The following SOS1 variants were observed in gnomAD, a reference collection of about 807,000 sequenced individuals.
SOS1 encodes the protein SOS Ras/Rac guanine nucleotide exchange factor 1, also known as son of sevenless homolog 1.
A neutral mutation model predicts 157.6 loss-of-function variants in SOS1; 25 were observed. The observed-to-expected ratio is 0.16, with a 90% CI of 0.12 to 0.22. The LOEUF is 0.22. Ranked by LOEUF, SOS1 falls within the 10% of genes least tolerant of loss-of-function variation. The pLI is 1.00. For missense variants in SOS1, 1,237 were observed against 1,599.1 expected (o/e 0.77, Z 3.86); for synonymous variants, 528 against 534.0 (o/e 0.99, Z 0.16).
intron 13 of SOS1, among the ~76,000 whole-genome samples, chr2:39,012,618 G>C (rs1318960846): frequency 1.3e-5 from 2 of 151,992 alleles, no homozygotes; most frequent in African/African-American, 4.8e-5. Flanking sequence ...TACTTAATTT[G>C]TAGAGACTGT....
chr2:39,091,683 C>T (rs1254510759), intron 1 of SOS1, among the ~76,000 whole-genome samples: 2 of 152,136 alleles, frequency 1.3e-5, no homozygotes, highest in African/African-American at 4.8e-5. Context: ...AGGATCTCCA[C>T]AGTCACCTTT....
chr2:39,044,265 T>C (rs981548150), intron 6 of SOS1, among the ~76,000 whole-genome samples: 7 of 152,250 alleles, frequency 4.6e-5, no homozygotes, highest in South Asian at 2.1e-4. Context: ...GGCATGAGAA[T>C]TGCTTGAACC....
chr2:39,116,534 A>G (rs1673656576), intron 1 of SOS1, among the ~76,000 whole-genome samples: 1 of 152,190 alleles, frequency 6.6e-6, no homozygotes, highest in African/African-American at 2.4e-5. Flanking sequence ...TTCTATGGCC[A>G]AAGTGAATTT....
intron 1 of SOS1, among the ~76,000 whole-genome samples, chr2:39,096,649 G>T (rs1335781520): frequency 6.6e-6 from 1 of 152,156 alleles, no homozygotes; most frequent in Non-Finnish European, 1.5e-5. Context: ...ACTTTGGGAG[G>T]CCAAGGCAGG....
rs1393750880 is a variant in SOS1 at position 38,984,099 on chromosome 2, T to C, written c.*1725A>G. 6.6e-6 allele frequency: 1 copy of C among 152,166 alleles called. No homozygotes were observed. Among genetic ancestry groups the C allele is most frequent in the Admixed American group, 6.5e-5 (1 of 15,270 alleles). The allele number at this position is 152,166 out of a possible 1,614,324, so 9.4% of individuals were successfully genotyped here. On this transcript the variant is annotated 3_prime_UTR_variant, in exon 23 of 23. Coordinates refer to ENST00000402219, the MANE Select transcript of SOS1 (RefSeq NM_005633.4). ...TAAATATCATAGGAAATTATTAAAG[T>C]ACTAGGTTCCCACCATGTTGCAGCA...
intron 8 of SOS1, among the ~76,000 whole-genome samples, chr2:39,033,153 C>G (rs2124558429): frequency 6.9e-6 from 1 of 145,114 alleles, no homozygotes; most frequent in East Asian, 2.1e-4. Context: ...TCACTGCAAC[C>G]TTCGCCTCCC....
intron 6 of SOS1, among the ~76,000 whole-genome samples, chr2:39,046,327 A>G (rs1316353862): frequency 6.6e-6 from 1 of 152,158 alleles, no homozygotes; most frequent in East Asian, 1.9e-4. Flanking sequence ...TATCACAAAT[A>G]CAAGTCCACT....
chr2:39,112,711 T>C (rs772832756), intron 1 of SOS1, among the ~76,000 whole-genome samples: 3 of 152,092 alleles, frequency 2.0e-5, no homozygotes, highest in Admixed American at 2.0e-4. Flanking sequence ...CTTCACTCTG[T>C]AAAAAAAATT....
chr2:38,992,556 G>C (rs1023386267), intron 20 of SOS1: 13 of 152,186 alleles, frequency 8.5e-5, no homozygotes, highest in Admixed American at 5.9e-4. Flanking sequence ...CTTCTTCGCT[G>C]CTTAGCTAGT....
intron 16 of SOS1, 71 bp downstream of exon 16, chr2:39,006,960 A>G (rs1669299939): frequency 1.0e-6 from 1 of 997,668 alleles, no homozygotes; most frequent in Non-Finnish European, 1.6e-6. Context: ...ATTAAAGATA[A>G]TAATTGTTAA....
chr2:39,030,327 G>A (rs1305018697), intron 8 of SOS1, among the ~76,000 whole-genome samples: 1 of 151,864 alleles, frequency 6.6e-6, no homozygotes, highest in Non-Finnish European at 1.5e-5. Context: ...ACTTTCGGAG[G>A]CCAATGTGGG....
chr2:39,086,022 G>A (rs1207254617), intron 1 of SOS1, among the ~76,000 whole-genome samples: 1 of 152,188 alleles, frequency 6.6e-6, no homozygotes, highest in Non-Finnish European at 1.5e-5. Flanking sequence ...TTACCAGAGT[G>A]TAACCCTGCA....
chr2:39,049,657 G>A (rs1183142054), intron 6 of SOS1, among the ~76,000 whole-genome samples: 1 of 152,084 alleles, frequency 6.6e-6, no homozygotes, highest in Non-Finnish European at 1.5e-5. Flanking sequence ...CTTAGTGGGA[G>A]ACTTAATGTT....
chr2:39,027,830 AT>A (rs375324523), intron 8 of SOS1, among the ~76,000 whole-genome samples: 7,040 of 142,612 alleles, frequency 0.049, 167 homozygotes, highest in Middle Eastern at 0.085. Context: ...TCATATTATT[AT>A]TTTTTTTTTT....
In SOS1 at chr2:38,987,453, A is replaced by T; in HGVS notation, c.3510+20T>A. ...ACTGTAATGATTCCAATTTCTACACAACAAGATTTCTTACTTTACCTTAGA... is the reference window on the plus strand; with the variant it reads ...ACTGTAATGATTCCAATTTCTACACTACAAGATTTCTTACTTTACCTTAGA... On this transcript the variant is annotated intron_variant, in intron 22 of 22. Transcript: ENST00000402219. 7.9e-7 allele frequency: 1 copy of T among 1,259,710 alleles called. No individual in the cohort carries two copies. The highest frequency in any genetic ancestry group is 1.2e-6 in the Non-Finnish European group (1 of 862,614). 78.0% of individuals were successfully genotyped at this position (1,259,710 alleles called of 1,614,324 possible).
At chr2:39,092,705 C>T (rs2148190580) in intron 1 of SOS1, among the ~76,000 whole-genome samples, 1 of 152,236 alleles carries the variant, frequency 6.6e-6, no homozygotes, top group East Asian at 1.9e-4. Context: ...AACCAAAACA[C>T]ACTAAATAAA....
chr2:39,119,317 C>G (rs1032624461), intron 1 of SOS1, among the ~76,000 whole-genome samples: 4 of 152,194 alleles, frequency 2.6e-5, no homozygotes, highest in Non-Finnish European at 5.9e-5. Context: ...CAAATAGTTT[C>G]CACTGTAAGA....
intron 20 of SOS1, chr2:38,993,650 C>T (rs1340797522): frequency 6.6e-6 from 1 of 152,048 alleles, no homozygotes; most frequent in Non-Finnish European, 1.5e-5. Context: ...GAATTTGACC[C>T]CCAGAAGGCA....
rs1668448455 is a variant in SOS1 at position 38,983,015 on chromosome 2, C to T, written c.*2809G>A. 1 of 152,024 alleles carries T rather than the reference C, an allele frequency of 6.6e-6. No individual in the cohort carries two copies. The highest frequency in any genetic ancestry group is 2.4e-5 in the African/African-American group (1 of 41,386). The allele number at this position is 152,024 out of a possible 1,614,324, so 9.4% of individuals were successfully genotyped here. On this transcript the variant is annotated 3_prime_UTR_variant, in exon 23 of 23. Transcript: ENST00000402219. The stretch of plus-strand genomic sequence containing the variant: ...GTAACCTACTAAACATAATTTGATG[C>T]CCAACAACCTTTAATTAAGCGAACT...
Sources: gnomAD v4.1 joint callset for allele counts (sites outside exome capture counted in the v4.1 genomes callset) on GRCh38, gnomAD v4.1.1 for gene constraint, MANE v1.5 for transcripts, NCBI Gene and HGNC (gene_info 2026-07-23, HGNC 2026-07-21) for gene names.